The following MBD2 variants were observed in gnomAD, a reference collection of about 807,000 sequenced individuals.
MBD2 encodes methyl-CpG-binding domain protein 2.
A neutral mutation model predicts 39.3 loss-of-function variants in MBD2; 9 were observed. The observed-to-expected ratio is 0.23, with a 90% CI of 0.14 to 0.40. The LOEUF (loss-of-function observed/expected upper bound fraction) is 0.40, where lower values mean the gene tolerates loss of function less well. MBD2 is among the 10% of genes least tolerant of loss of function. The pLI, the probability that MBD2 is intolerant of heterozygous loss-of-function variation, is 1.00. For synonymous variants in MBD2, 233 were observed against 211.1 expected, an observed-to-expected ratio of 1.10 and a Z score of -0.90; for missense variants, 458 against 532.6, an observed-to-expected ratio of 0.86 and a Z score of 1.38.
At position 54,152,447 on chromosome 18, in the gene MBD2, C is replaced by G. The variant is rs116281788; in HGVS notation, c.*2877G>C. On this transcript the variant is annotated 3_prime_UTR_variant, in exon 7 of 7. Transcript: ENST00000256429. ...ACCATTCTTCCATTTATTCAGCAAA[C>G]AGTTACTGAGTGCTTACTAGGTGCC... is the stretch of plus-strand genomic sequence containing the variant. 6.6e-6 allele frequency: 1 copy of G among 152,214 alleles called. No homozygotes were observed. The highest frequency in any genetic ancestry group is 1.5e-5 in the Non-Finnish European group (1 of 68,052). The allele number at this position is 152,214 out of a possible 1,614,324, so 9.4% of individuals were successfully genotyped here.
chr18:54,213,323 C>T (rs1391624094), intron 1 of MBD2, among the ~76,000 whole-genome samples: 1 of 152,030 alleles, frequency 6.6e-6, no homozygotes, highest in East Asian at 1.9e-4. Flanking sequence ...GTGAACTGTA[C>T]ATGCGAGGGA....
chr18:54,224,213 C>T lies in MBD2; in HGVS notation c.347G>A (p.Ser116Asn). 1 of 1,135,078 alleles carries T rather than the reference C, an allele frequency of 8.8e-7. No individual in the cohort carries two copies. Among genetic ancestry groups the T allele is most frequent in the Non-Finnish European group, 1.1e-6 (1 of 926,286 alleles). The allele number at this position is 1,135,078 out of a possible 1,614,324, so 70.3% of individuals were successfully genotyped here. Residue 116 changes from serine to asparagine, a missense_variant, in exon 1 of 7, where the codon AGC becomes AAC. Around this residue, in one of 2 missense-constraint regions of MBD2, gnomAD observed 269 missense variants for 236.0 expected, o/e 1.14. Coordinates refer to ENST00000256429, the MANE Select transcript of MBD2 (RefSeq NM_003927.5). ...CCGCCGGGGGGCGCCGCCGCCACCG[C>T]TGCCGCCGCCGCCGCAGCCGCCGCC... is the stretch of plus-strand genomic sequence containing the variant. ...GDGGGCGGGG[S>N]GGGGAPRREP...
At chr18:54,180,222 G>A (rs2086241060) in intron 3 of MBD2, among the ~76,000 whole-genome samples, 1 of 152,074 alleles carries the variant, frequency 6.6e-6, no homozygotes, top group Admixed American at 6.5e-5. Flanking sequence ...TTCGTGGACT[G>A]TAACACTTAA....
At chr18:54,210,538 T>C (rs1219603875) in intron 1 of MBD2, among the ~76,000 whole-genome samples, 1 of 152,226 alleles carries the variant, frequency 6.6e-6, no homozygotes, top group Admixed American at 6.5e-5. Flanking sequence ...TTTTCTTGTT[T>C]CTTTGATAAC....
chr18:54,168,621 G>GTATATT (rs2086155570), intron 3 of MBD2, among the ~76,000 whole-genome samples: 1 of 41,048 alleles, frequency 2.4e-5, no homozygotes, highest in African/African-American at 3.1e-4. Context: ...ATTTGTGTGT[G>GTATATT]TGTGTGTGTG....
chr18:54,193,695 G>A (rs1446423649), intron 2 of MBD2, among the ~76,000 whole-genome samples: 1 of 152,108 alleles, frequency 6.6e-6, no homozygotes, highest in East Asian at 1.9e-4. Context: ...AAGATCAATA[G>A]TGATACTAGA....
At chr18:54,194,419 T>G (rs1476598469) in intron 2 of MBD2, among the ~76,000 whole-genome samples, 1 of 152,022 alleles carries the variant, frequency 6.6e-6, no homozygotes, top group Non-Finnish European at 1.5e-5. Flanking sequence ...ATTATTTCAC[T>G]TTCTGTGACC....
rs140696076 is a variant in MBD2, at chr18:54,155,783, G to C, written c.*13-472C>G. Among the ~76,000 whole-genome samples, 344 of 152,226 alleles carry C rather than the reference G, an allele frequency of 2.3e-3. 3 individuals are homozygous for C. The highest frequency in any genetic ancestry group is 7.7e-3 in the African/African-American group (321 of 41,540). On this transcript the variant is annotated intron_variant, in intron 6 of 6. Transcript: ENST00000256429. Reference sequence around the variant, plus strand: ...CACGTATGCATCGAGTCTTCCTATTGTTTAACCTGGGTGAAATGGCACTGT... The same window carrying C: ...CACGTATGCATCGAGTCTTCCTATTCTTTAACCTGGGTGAAATGGCACTGT...
At chr18:54,177,672 G>C (rs1300127877) in intron 3 of MBD2, among the ~76,000 whole-genome samples, 1 of 151,840 alleles carries the variant, frequency 6.6e-6, no homozygotes, top group East Asian at 1.9e-4. Flanking sequence ...AGTAGGGACG[G>C]GGGTTTCACT....
rs1244866179 is a variant in MBD2 at position 54,220,528 on chromosome 18, AC to A, written c.542+3489del. On this transcript the variant is annotated intron_variant, in intron 1 of 6. Transcript: ENST00000256429. ...AATTAATAAGTGCCTGCCACACCCT[AC>A]ATTAACAGGCACAGATTTGTTTAAA... Among the ~76,000 whole-genome samples, 8 of 152,310 alleles carry A rather than the reference AC, an allele frequency of 5.3e-5. No individual in the cohort carries two copies. The South Asian group carries it at 1.5e-3, about 28-fold the overall frequency.
Position 54,224,161 on chromosome 18 carries a change from G to A in MBD2, c.399C>T (p.Ser133=), listed in dbSNP as rs1179426285. ...GGGGTCCCCTGGGCCCCGGCCCCGC[G>A]CTCCCCGACGGGAAAGGGACCGGCT... ...RREPVPFPSG[S]AGPGPRGPRA... Residue 133 remains serine (S), a synonymous_variant, in exon 1 of 7, where the codon AGC becomes AGT. Coordinates refer to ENST00000256429, the MANE Select transcript of MBD2 (RefSeq NM_003927.5). 5 of 1,431,108 alleles carry A rather than the reference G, an allele frequency of 3.5e-6. No individual in the cohort carries two copies. Among genetic ancestry groups the A allele is most frequent in the Non-Finnish European group, 4.6e-6 (5 of 1,090,310 alleles). 88.7% of individuals were successfully genotyped at this position (1,431,108 alleles called of 1,614,324 possible).
At chr18:54,203,007 G>A (rs368659624) in intron 2 of MBD2, 111 of 1,094,732 alleles carry the variant, frequency 1.0e-4, no homozygotes, top group Admixed American at 4.4e-4. Flanking sequence ...GAAGGGGAAG[G>A]GGGTAAGCAC....
At chr18:54,197,012 G>C (rs2086371953) in intron 2 of MBD2, among the ~76,000 whole-genome samples, 1 of 152,174 alleles carries the variant, frequency 6.6e-6, no homozygotes, top group Non-Finnish European at 1.5e-5. Flanking sequence ...AAGAATATCA[G>C]CTAAATATCC....
chr18:54,204,704 C>T (rs2086435694), intron 2 of MBD2, among the ~76,000 whole-genome samples: 1 of 152,124 alleles, frequency 6.6e-6, no homozygotes, highest in Non-Finnish European at 1.5e-5. Context: ...TCAACAGGAA[C>T]TATTTTGAGG....
intron 2 of MBD2, chr18:54,202,690 T>C: frequency 1.7e-6 from 2 of 1,143,322 alleles, no homozygotes; most frequent in Non-Finnish European, 2.2e-6. Context: ...TAATGTACGG[T>C]ATAATTTATT....
chr18:54,202,612 AG>A (rs2086416419), intron 2 of MBD2: 1 of 624,854 alleles, frequency 1.6e-6, no homozygotes, highest in African/African-American at 2.0e-5. Context: ...ATGCAAAAAA[AG>A]ACCATGCCTC....
In MBD2 at chr18:54,170,539, G is replaced by A. The variant is rs565726396; in HGVS notation, c.841-4373C>T. Among the ~76,000 whole-genome samples, 6 of 152,268 alleles carry A rather than the reference G, an allele frequency of 3.9e-5. No individual in the cohort carries two copies. In the South Asian group the frequency reaches 1.2e-3, roughly 32 times the overall value. On this transcript the variant is annotated intron_variant, in intron 3 of 6. Transcript: ENST00000256429. ...CGAGTTTATTAATATTACTCTAAGA[G>A]ATTTGTACTCTTTAGTGAAGAACAA...
At chr18:54,219,967 A>AT (rs1284976784) in intron 1 of MBD2, among the ~76,000 whole-genome samples, 1 of 152,042 alleles carries the variant, frequency 6.6e-6, no homozygotes, top group Admixed American at 6.6e-5. Context: ...TGCCTGGCTA[A>AT]TTTTTTTGTA....
At position 54,214,003 on chromosome 18, in the gene MBD2, C is replaced by CTTTTTT. The variant is rs529774043; in HGVS notation, c.543-8852_543-8847dup. Among the ~76,000 whole-genome samples, 394 of 129,276 alleles carry CTTTTTT rather than the reference C, an allele frequency of 3.0e-3. 1 individual carries two copies. The highest frequency in any genetic ancestry group is 0.012 in the Middle Eastern group (3 of 258). 84.8% of individuals were successfully genotyped at this position (129,276 alleles called of 152,430 possible). On this transcript the variant is annotated intron_variant, in intron 1 of 6. Transcript: ENST00000256429. ...AGCAGTGGTTCTCTTTTCTTTCTTT[C>CTTTTTT]TTTTTTTTTTTTTTTTTTAACAACA... is the stretch of plus-strand genomic sequence containing the variant.
Sources: allele counts gnomAD v4.1 joint callset (sites outside exome capture counted in the v4.1 genomes callset), GRCh38; gene constraint gnomAD v4.1.1; regional missense constraint gnomAD v4.1.1; transcripts MANE v1.5; gene names NCBI Gene and HGNC (gene_info 2026-07-23, HGNC 2026-07-21).